The following C9orf57 variants were observed in gnomAD, a reference collection of about 807,000 sequenced individuals.
C9orf57 encodes the protein uncharacterized protein C9orf57.
C9orf57 carries 12 observed loss-of-function variants against 12.9 expected under a neutral mutation model. The observed-to-expected ratio is 0.93, with a 90% CI of 0.60 to 1.51. C9orf57 has a LOEUF of 1.51. C9orf57 is among the 40% of genes most tolerant of loss of function. The pLI is 0.00. For missense variants in C9orf57, 141 were observed against 162.8 expected (o/e 0.87, Z 0.73); for synonymous variants, 49 against 57.1 (o/e 0.86, Z 0.64).
At chr9:72,058,787 G>A (rs148537673) in intron 2 of C9orf57, among the ~76,000 whole-genome samples, 9 of 152,240 alleles carry the variant, frequency 5.9e-5, no homozygotes, top group African/African-American at 2.2e-4. Context: ...ATTTTCCCCA[G>A]GCTCAACCTC....
chr9:72,056,272 A>G, intron 3 of C9orf57, 76 bp from the exon 4 acceptor site: 1 of 1,240,610 alleles, frequency 8.1e-7, no homozygotes, highest in South Asian at 2.3e-5. Flanking sequence ...AGAGAGATCA[A>G]AAAAATAAAG....
intron 4 of C9orf57, among the ~76,000 whole-genome samples, chr9:72,052,766 C>T (rs1385465283): frequency 6.6e-6 from 1 of 152,104 alleles, no homozygotes; most frequent in Non-Finnish European, 1.5e-5. Context: ...TAATCATCCC[C>T]CAGTTTTATC....
chr9:72,059,595 C>T (rs1037104168), intron 1 of C9orf57, among the ~76,000 whole-genome samples: 11 of 152,280 alleles, frequency 7.2e-5, no homozygotes, highest in Admixed American at 5.9e-4. Flanking sequence ...CCAAGGTGGG[C>T]AGATCGCCTG....
Position 72,052,150 on chromosome 9 carries a change from GT to G in C9orf57, c.*145del. 1 of 860,458 alleles carries G rather than the reference GT, an allele frequency of 1.2e-6. No individual in the cohort carries two copies. The highest frequency in any genetic ancestry group is 2.8e-5 in the East Asian group (1 of 35,510). 53.3% of individuals were successfully genotyped at this position (860,458 alleles called of 1,614,324 possible). ...GATATTGGGAATATTGAAAACCAAA[GT>G]CAATTTCAGATCAAAATTCCTTCTA... On this transcript the variant is annotated 3_prime_UTR_variant, in exon 5 of 5. Transcript: ENST00000651200.
chr9:72,054,734 T>C (rs1437919225), intron 4 of C9orf57, among the ~76,000 whole-genome samples: 6 of 152,118 alleles, frequency 3.9e-5, no homozygotes, highest in Non-Finnish European at 8.8e-5. Flanking sequence ...TTGGTCTTTT[T>C]AAAATTGTTT....
chr9:72,058,651 A>G (rs1007962215), intron 2 of C9orf57, among the ~76,000 whole-genome samples: 14 of 152,124 alleles, frequency 9.2e-5, no homozygotes, highest in Admixed American at 3.9e-4. Context: ...GATGGCCCCA[A>G]AGAAGGGTTT....
chr9:72,055,322 C>T (rs1589299728), intron 4 of C9orf57, among the ~76,000 whole-genome samples: 1 of 148,870 alleles, frequency 6.7e-6, no homozygotes, highest in East Asian at 2.0e-4. Flanking sequence ...CTCTTTCTCT[C>T]TTTCTCTTTC....
intron 2 of C9orf57, 69 bp from the exon 3 acceptor site, chr9:72,056,912 CTTT>C (rs36059196): frequency 4.8e-4 from 481 of 997,454 alleles, no homozygotes; most frequent in South Asian, 1.1e-3. Flanking sequence ...TATATGTATA[CTTT>C]TTTTTTTTTT....
chr9:72,055,461 A>G (rs928750490), intron 4 of C9orf57, among the ~76,000 whole-genome samples: 1 of 135,200 alleles, frequency 7.4e-6, no homozygotes, highest in African/African-American at 2.8e-5. Context: ...ATCTCACTCC[A>G]TTGTTCAGGC....
intron 4 of C9orf57, among the ~76,000 whole-genome samples, chr9:72,055,005 C>T (rs1161651147): frequency 4.0e-5 from 6 of 148,180 alleles, no homozygotes; most frequent in African/African-American, 1.2e-4. Context: ...CTGCAGCCTC[C>T]GCCTCCTGGG....
At position 72,052,247 on chromosome 9, in the gene C9orf57, G is replaced by T. The variant is rs1196641712; in HGVS notation, c.*49C>A. 2 of 1,539,986 alleles carry T rather than the reference G, an allele frequency of 1.3e-6. No homozygotes were observed. The highest frequency in any genetic ancestry group is 1.8e-6 in the Non-Finnish European group (2 of 1,141,158). ...CATCATTTTGTGATAGCCAGGTCAG[G>T]CTTCGAGACTGATTGATCTGCCAAG... On this transcript the variant is annotated 3_prime_UTR_variant, in exon 5 of 5. Transcript: ENST00000651200.
chr9:72,053,521 C>T (rs962588270), intron 4 of C9orf57, among the ~76,000 whole-genome samples: 2 of 152,136 alleles, frequency 1.3e-5, no homozygotes, highest in African/African-American at 4.8e-5. Context: ...CTAGATGACT[C>T]TCTGGCCACA....
At chr9:72,054,112 C>A (rs1426693298) in intron 4 of C9orf57, among the ~76,000 whole-genome samples, 4 of 152,220 alleles carry the variant, frequency 2.6e-5, no homozygotes, top group Admixed American at 6.5e-5. Context: ...GATTCTCCTG[C>A]CTCAGCTCCC....
chr9:72,057,261 C>T (rs980052664), intron 2 of C9orf57, among the ~76,000 whole-genome samples: 1 of 148,650 alleles, frequency 6.7e-6, no homozygotes, highest in Non-Finnish European at 1.5e-5. Flanking sequence ...GAATTTCACT[C>T]GTTGCCCAGG....
At position 72,057,662 on chromosome 9, in the gene C9orf57, A is replaced by C. The variant is rs1824237821; in HGVS notation, c.98-819T>G. Among the ~76,000 whole-genome samples, 2 of 152,230 alleles carry C rather than the reference A, an allele frequency of 1.3e-5. 1 individual carries two copies. Among genetic ancestry groups the C allele is most frequent in the South Asian group, 4.1e-4 (2 of 4,830 alleles). On this transcript the variant is annotated intron_variant, in intron 2 of 4. Transcript: ENST00000651200. ...TAAACAACTTAGTTGGTTAAAATTC[A>C]TTCAGTTCCTCAGTGCTTAATTAAA...
At position 72,056,783 on chromosome 9, in the gene C9orf57, C is replaced by T; in HGVS notation, c.157+1G>A. 2 of 1,549,088 alleles carry T rather than the reference C, an allele frequency of 1.3e-6. No homozygotes were observed. Among genetic ancestry groups the T allele is most frequent in the Non-Finnish European group, 1.7e-6 (2 of 1,145,764 alleles). On this transcript the variant is annotated splice_donor_variant, in intron 3 of 4. Transcript: ENST00000651200. LOFTEE classifies it high-confidence loss of function. ...AAAATTTTTAAAGTGTCAAAACTTA[C>T]CTTGAATGTGGACCTCTTCTTTCCA...
intron 4 of C9orf57, among the ~76,000 whole-genome samples, chr9:72,054,444 T>C (rs1824145900): frequency 6.6e-6 from 1 of 152,242 alleles, no homozygotes; most frequent in Non-Finnish European, 1.5e-5. Context: ...AAAATTTTAA[T>C]GGAAATTCAC....
chr9:72,060,433 TA>T lies in C9orf57; in HGVS notation c.-54+63del, dbSNP rs1824312083. On this transcript the variant is annotated intron_variant, in intron 1 of 4. Coordinates refer to ENST00000651200, the MANE Select transcript of C9orf57 (RefSeq NM_001128618.2). ...ATAGTTAACGATAGTTAATACTTAT[TA>T]AAATGAAGGGAAGAAATTGTAAGAT... is the stretch of plus-strand genomic sequence containing the variant. 8.2e-6 allele frequency: 7 copies of T among 850,334 alleles called. No individual in the cohort carries two copies. In the Admixed American group the frequency reaches 1.4e-4, roughly 18 times the overall value. 52.7% of individuals were successfully genotyped at this position (850,334 alleles called of 1,614,324 possible).
Position 72,056,866 on chromosome 9 carries a change from G to A in C9orf57, c.98-23C>T, listed in dbSNP as rs756056608. 34 of 1,538,222 alleles carry A rather than the reference G, an allele frequency of 2.2e-5. 1 individual carries two copies. The South Asian group carries it at 3.8e-4, about 17-fold the overall frequency. On this transcript the variant is annotated intron_variant, in intron 2 of 4. Coordinates refer to ENST00000651200, the MANE Select transcript of C9orf57 (RefSeq NM_001128618.2). ...GGTCTAAAAGACATCCATGGAAGGG[G>A]ATTGAAAGATTGCATGCTCTGCAAA...
Sources: gnomAD v4.1 joint callset for allele counts (sites outside exome capture counted in the v4.1 genomes callset) on GRCh38, gnomAD v4.1.1 for gene constraint, MANE v1.5 for transcripts, NCBI Gene and HGNC (gene_info 2026-07-23, HGNC 2026-07-21) for gene names.